GALNT18: variants seen among roughly 807,000 people sequenced by gnomAD.
GALNT18 encodes GalNAc-transferase 18.
A neutral mutation model predicts 69.5 loss-of-function variants in GALNT18; 44 were observed. That is an observed-to-expected ratio of 0.63 (90% CI 0.50 to 0.81). The LOEUF (loss-of-function observed/expected upper bound fraction) is 0.81. Among genes scored for constraint, GALNT18 ranks in the 40% least tolerant of loss-of-function variants. The pLI is 0.00. For missense variants in GALNT18, 715 were observed against 810.0 expected (o/e 0.88, Z 1.42); for synonymous variants, 364 against 318.2 (o/e 1.14, Z -1.53).
intron 6 of GALNT18, among the ~76,000 whole-genome samples, chr11:11,344,736 G>T (rs1260825998): frequency 2.0e-5 from 3 of 151,996 alleles, no homozygotes; most frequent in African/African-American, 4.8e-5. Context: ...GTTTAACACT[G>T]AGCCTACCTC....
intron 9 of GALNT18, among the ~76,000 whole-genome samples, chr11:11,307,643 A>C (rs908807879): frequency 2.0e-5 from 3 of 152,146 alleles, no homozygotes; most frequent in Non-Finnish European, 4.4e-5. Flanking sequence ...CCCTTTCCAC[A>C]TGTGGCCTCC....
At chr11:11,386,003 C>A (rs570649512) in intron 3 of GALNT18, among the ~76,000 whole-genome samples, 32 of 152,182 alleles carry the variant, frequency 2.1e-4, no homozygotes, top group African/African-American at 7.7e-4. Context: ...CAAGGCCTGT[C>A]AAAGATGGCC....
intron 1 of GALNT18, among the ~76,000 whole-genome samples, chr11:11,492,900 T>TA (rs141149776): frequency 0.13 from 20,150 of 151,924 alleles, 1,717 homozygotes; most frequent in South Asian, 0.2. Flanking sequence ...TCCCAGAACT[T>TA]AAAGTAAATA....
chr11:11,533,857 C>T (rs1857712306), intron 1 of GALNT18, among the ~76,000 whole-genome samples: 1 of 152,206 alleles, frequency 6.6e-6, no homozygotes, highest in African/African-American at 2.4e-5. Context: ...CTTTGTGCTT[C>T]TAAACAAAGG....
rs10831608 is a variant in GALNT18 at position 11,383,267 on chromosome 11, C to T, written c.596-4003G>A. 0.27 allele frequency among the ~76,000 whole-genome samples: 41,682 copies of T among 152,086 alleles called. 7,033 individuals are homozygous for T. The highest frequency in any genetic ancestry group is 0.38 in the Non-Finnish European group (25,547 of 67,970). ...ATTCACCAGCCTGGTCAAACAGAGC[C>T]CTTCTCCCTTCCTCATCTACCCCCT... On this transcript the variant is annotated intron_variant, in intron 3 of 10. Coordinates refer to ENST00000227756, the MANE Select transcript of GALNT18 (RefSeq NM_198516.3). The surrounding 1 kb of genome is among the most constrained non-coding windows in gnomAD (Gnocchi z 5.2).
At chr11:11,291,147 G>C (rs188981108) in intron 10 of GALNT18, among the ~76,000 whole-genome samples, 4 of 152,224 alleles carry the variant, frequency 2.6e-5, no homozygotes, top group Admixed American at 2.6e-4. Flanking sequence ...AGTGATGAAG[G>C]CTTCTGCTAG....
intron 2 of GALNT18, among the ~76,000 whole-genome samples, chr11:11,440,905 C>T (rs1010688652): frequency 6.6e-6 from 1 of 152,172 alleles, no homozygotes; most frequent in African/African-American, 2.4e-5. Context: ...CACAGAGAGG[C>T]CAAGCAACTT....
intron 10 of GALNT18, among the ~76,000 whole-genome samples, chr11:11,275,774 A>G (rs1848931031): frequency 6.6e-6 from 1 of 152,166 alleles, no homozygotes; most frequent in Non-Finnish European, 1.5e-5. Flanking sequence ...CCCCAACACC[A>G]TTTATTAAAT....
chr11:11,416,198 G>A (rs1854853186), intron 3 of GALNT18, among the ~76,000 whole-genome samples: 1 of 152,182 alleles, frequency 6.6e-6, no homozygotes, highest in Admixed American at 6.5e-5. Context: ...AGCTCCTTAG[G>A]GAAATGTGGA....
chr11:11,494,856 C>A lies in GALNT18; in HGVS notation c.236-45920G>T, dbSNP rs1856839619. On this transcript the variant is annotated intron_variant, in intron 1 of 10. Transcript: ENST00000227756. This position sits in a 1 kb window ranked among gnomAD's most constrained non-coding sequence, Gnocchi z 5.7. ...AGTATTTTAATCTTACAACTCCAAC[C>A]ATGATCATCTGGGAGTGTTGCAAAT... is the stretch of plus-strand genomic sequence containing the variant. Among the ~76,000 whole-genome samples the A allele has an allele frequency of 6.6e-6, 1 of 152,162 alleles. No individual in the cohort carries two copies. The highest frequency in any genetic ancestry group is 6.5e-5 in the Admixed American group (1 of 15,276).
In GALNT18 at chr11:11,497,767, T is replaced by TATATAC. The variant is rs754130671; in HGVS notation, c.236-48832_236-48831insGTATAT. The stretch of plus-strand genomic sequence containing the variant: ...CATATTTTCTATATATATATATATA[T>TATATAC]ACACACACACACACATACACACAAA... On this transcript the variant is annotated intron_variant, in intron 1 of 10. Transcript: ENST00000227756. This position sits in a 1 kb window ranked among gnomAD's most constrained non-coding sequence, Gnocchi z 4.2. Among the ~76,000 whole-genome samples the TATATAC allele has an allele frequency of 3.9e-3, 571 of 144,812 alleles. 1 individual carries two copies. The highest frequency in any genetic ancestry group is 0.011 in the African/African-American group (445 of 39,496).
rs368942731 is a variant in GALNT18, at chr11:11,491,479, G to A, written c.236-42543C>T. ...CCAATTAAAGCCTGGGTTTTAAAAA[G>A]CCGATTGATTTGCTCAAAGGAGCAA... On this transcript the variant is annotated intron_variant, in intron 1 of 10. Coordinates refer to ENST00000227756, the MANE Select transcript of GALNT18 (RefSeq NM_198516.3). Among the ~76,000 whole-genome samples the A allele has an allele frequency of 7.9e-5, 12 of 152,268 alleles. No individual in the cohort carries two copies. In the South Asian group the frequency reaches 2.3e-3, roughly 29 times the overall value.
At position 11,470,227 on chromosome 11, in the gene GALNT18, A is replaced by G. The variant is rs1383201753; in HGVS notation, c.236-21291T>C. Among the ~76,000 whole-genome samples the G allele has an allele frequency of 6.6e-6, 1 of 152,202 alleles. No homozygotes were observed. The highest frequency in any genetic ancestry group is 1.5e-5 in the Non-Finnish European group (1 of 68,036). ...GTGTCACTAAGGGCAGAGACCCTGT[A>G]CCACCAGGTTCAAGGCCAGGTCTTC... is the stretch of plus-strand genomic sequence containing the variant. On this transcript the variant is annotated intron_variant, in intron 1 of 10. Transcript: ENST00000227756. The surrounding 1 kb of genome is among the most constrained non-coding windows in gnomAD (Gnocchi z 4.8).
chr11:11,466,103 T>C (rs5027619), intron 1 of GALNT18, among the ~76,000 whole-genome samples: 8,268 of 152,240 alleles, frequency 0.054, 559 homozygotes, highest in East Asian at 0.21. Context: ...AAACAATCTT[T>C]AGCATGACCA....
rs1850037985 is a variant in GALNT18, at chr11:11,332,673, CGGA to C, written c.1416+18_1416+20del. 6.2e-7 allele frequency: 1 copy of C among 1,613,012 alleles called. No homozygotes were observed. The highest frequency in any genetic ancestry group is 1.3e-5 in the African/African-American group (1 of 74,880). On this transcript the variant is annotated intron_variant, in intron 8 of 10. Transcript: ENST00000227756. The surrounding 1 kb of genome is among the most constrained non-coding windows in gnomAD (Gnocchi z 4.3). Reference sequence around the variant, plus strand: ...TTTCTGTCTGTGTCTGAATGAAACCCGGAGGAGGCCAGCTCCTTACCACTCCAT... The same window carrying C: ...TTTCTGTCTGTGTCTGAATGAAACCCGGAGGCCAGCTCCTTACCACTCCAT...
intron 1 of GALNT18, among the ~76,000 whole-genome samples, chr11:11,507,946 T>C (rs1038269969): frequency 1.3e-5 from 2 of 152,232 alleles, no homozygotes; most frequent in African/African-American, 2.4e-5. Flanking sequence ...GACTCCAAGT[T>C]CTACCTTCGA....
At chr11:11,417,736 A>G (rs1854899769) in intron 3 of GALNT18, among the ~76,000 whole-genome samples, 1 of 152,058 alleles carries the variant, frequency 6.6e-6, no homozygotes, top group Non-Finnish European at 1.5e-5. Flanking sequence ...TGAGTTTAGG[A>G]CCCCTGAGCA....
Position 11,500,362 on chromosome 11 carries a change from T to C in GALNT18, c.236-51426A>G, listed in dbSNP as rs540473704. 3.9e-5 allele frequency among the ~76,000 whole-genome samples: 6 copies of C among 152,362 alleles called. No individual in the cohort carries two copies. Among genetic ancestry groups the C allele is most frequent in the African/African-American group, 1.4e-4 (6 of 41,588 alleles). ...TCTTTCTTGAGTGGCTTTAGGTACA[T>C]GTCTGAACCTTTCTGAGGCTTCATT... On this transcript the variant is annotated intron_variant, in intron 1 of 10. Transcript: ENST00000227756. This position sits in a 1 kb window ranked among gnomAD's most constrained non-coding sequence, Gnocchi z 5.0.
At chr11:11,277,652 C>T (rs946113046) in intron 10 of GALNT18, among the ~76,000 whole-genome samples, 4 of 152,140 alleles carry the variant, frequency 2.6e-5, no homozygotes, top group Admixed American at 6.5e-5. Context: ...TATACATTTC[C>T]CTCTACAACA....
Sources: gnomAD v4.1 joint callset for allele counts (sites outside exome capture counted in the v4.1 genomes callset) on GRCh38, gnomAD v4.1.1 for gene constraint, Gnocchi (gnomAD v3.1) non-coding constraint, MANE v1.5 for transcripts, NCBI Gene and HGNC (gene_info 2026-07-23, HGNC 2026-07-21) for gene names.